SCIN: variants seen among roughly 807,000 people sequenced by gnomAD.
SCIN encodes adseverin.
A neutral mutation model predicts 91.8 loss-of-function variants in SCIN; 91 were observed. The observed-to-expected ratio is 0.99, with a 90% CI of 0.84 to 1.18. The LOEUF (loss-of-function observed/expected upper bound fraction) is 1.18, where lower values mean the gene tolerates loss of function less well. Ranked by LOEUF, SCIN falls within the 50% of genes most tolerant of loss-of-function variation. The pLI is 0.00. For missense variants in SCIN, 1,087 were observed against 863.9 expected (o/e 1.26, Z -3.24); for synonymous variants, 367 against 312.6 (o/e 1.17, Z -1.84).
chr7:12,655,682 A>G lies in SCIN; in HGVS notation c.*2967A>G, dbSNP rs901433693. 2 of 152,242 alleles carry G rather than the reference A, an allele frequency of 1.3e-5. No individual in the cohort carries two copies. The highest frequency in any genetic ancestry group is 6.5e-5 in the Admixed American group (1 of 15,280). 9.4% of individuals were successfully genotyped at this position (152,242 alleles called of 1,614,324 possible). ...TAAACTGGTCAAAACTTTTTGATCC[A>G]TAGCACAGTATTACTTTTGTAAACA... On this transcript the variant is annotated 3_prime_UTR_variant, in exon 16 of 16. Transcript: ENST00000297029.
chr7:12,644,875 G>A (rs1462239618), intron 13 of SCIN, among the ~76,000 whole-genome samples, 170 bp downstream of exon 13: 1 of 151,890 alleles, frequency 6.6e-6, no homozygotes. Flanking sequence ...TTAGCTGGAT[G>A]TGGTGGTGCA....
intron 11 of SCIN, 49 bp downstream of exon 11, chr7:12,640,566 T>G: frequency 6.7e-7 from 1 of 1,490,868 alleles, no homozygotes. Flanking sequence ...GACTTCCCAA[T>G]GGACCTGAGC....
chr7:12,650,037 G>A (rs1391256642), intron 14 of SCIN, among the ~76,000 whole-genome samples: 3 of 152,218 alleles, frequency 2.0e-5, no homozygotes, highest in African/African-American at 7.2e-5. Flanking sequence ...AAGGAAATTA[G>A]TGGTGATTTG....
chr7:12,635,136 C>T (rs1457086989), intron 9 of SCIN, among the ~76,000 whole-genome samples: 3 of 151,528 alleles, frequency 2.0e-5, no homozygotes, highest in Admixed American at 2.0e-4. Flanking sequence ...CGCCACTGCC[C>T]TCCAGCCTGG....
At chr7:12,589,147 C>G (rs1782660979) in intron 3 of SCIN, 1 of 151,488 alleles carries the variant, frequency 6.6e-6, no homozygotes, top group African/African-American at 2.4e-5. Context: ...AGGGCAGTAG[C>G]CAGGGTGCCC....
At chr7:12,620,987 A>G (rs1332439307) in intron 4 of SCIN, among the ~76,000 whole-genome samples, 2 of 152,156 alleles carry the variant, frequency 1.3e-5, no homozygotes, top group South Asian at 2.1e-4. Context: ...TTCACATACA[A>G]AGGATTACAT....
rs1783526922 is a variant in SCIN, at chr7:12,626,633, T to C, written c.1031T>C (p.Phe344Ser). 1 of 1,552,916 alleles carries C rather than the reference T, an allele frequency of 6.4e-7. No homozygotes were observed. The highest frequency in any genetic ancestry group is 8.7e-7 in the Non-Finnish European group (1 of 1,147,666). ...GAAACACCAATCTTCAAACAGTTTT[T>C]TAAGGACTGGAGAGATAAAGATCAG... is the stretch of plus-strand genomic sequence containing the variant. ...GGETPIFKQF[F>S]KDWRDKDQSD... The change falls in exon 8 of 16, where the codon TTT (phenylalanine) becomes TCT (serine). Residue 344 changes from phenylalanine to serine, a missense_variant. Coordinates refer to ENST00000297029, the MANE Select transcript of SCIN (RefSeq NM_001112706.3).
At chr7:12,593,138 G>T (rs993849184) in intron 3 of SCIN, among the ~76,000 whole-genome samples, 2 of 152,214 alleles carry the variant, frequency 1.3e-5, no homozygotes, top group Non-Finnish European at 2.9e-5. Flanking sequence ...GCACTCATGG[G>T]TGGGGACATG....
chr7:12,633,476 C>T (rs1282251232), intron 9 of SCIN, among the ~76,000 whole-genome samples: 1 of 152,104 alleles, frequency 6.6e-6, no homozygotes, highest in African/African-American at 2.4e-5. Context: ...ATACTTGAAT[C>T]TGTGTGGATG....
intron 3 of SCIN, among the ~76,000 whole-genome samples, chr7:12,581,698 A>C (rs1028277246): frequency 1.3e-5 from 2 of 152,226 alleles, no homozygotes; most frequent in African/African-American, 4.8e-5. Context: ...TTCAATTAGC[A>C]CAAGTACAAA....
intron 13 of SCIN, among the ~76,000 whole-genome samples, chr7:12,649,079 C>T (rs1401702274): frequency 6.6e-6 from 1 of 152,062 alleles, no homozygotes; most frequent in Non-Finnish European, 1.5e-5. Context: ...TGAGGGGGGT[C>T]TTATCTCTGG....
intron 4 of SCIN, among the ~76,000 whole-genome samples, chr7:12,610,138 A>G (rs1376343444): frequency 6.6e-6 from 1 of 152,322 alleles, no homozygotes; most frequent in Admixed American, 6.5e-5. Flanking sequence ...TTATGATGTT[A>G]GCATATAGTC....
chr7:12,618,138 C>G (rs1463646217), intron 4 of SCIN, among the ~76,000 whole-genome samples: 1 of 152,118 alleles, frequency 6.6e-6, no homozygotes, highest in Non-Finnish European at 1.5e-5. Context: ...CACTCTGTGT[C>G]TGGCATCCTC....
chr7:12,594,125 G>A (rs1782786507), intron 3 of SCIN, among the ~76,000 whole-genome samples: 1 of 152,100 alleles, frequency 6.6e-6, no homozygotes, highest in Non-Finnish European at 1.5e-5. Context: ...TTGGGCCCGA[G>A]AGCGGGTGAG....
chr7:12,598,499 TAC>T (rs1338352692), intron 3 of SCIN, among the ~76,000 whole-genome samples: 1 of 152,214 alleles, frequency 6.6e-6, no homozygotes. Flanking sequence ...TGGTGGAATA[TAC>T]ATTTTCAAAT....
chr7:12,582,740 T>C (rs1196267002), intron 3 of SCIN, among the ~76,000 whole-genome samples: 1 of 151,690 alleles, frequency 6.6e-6, no homozygotes, highest in African/African-American at 2.4e-5. Flanking sequence ...CCTTCCATTC[T>C]CCCCTACCGC....
intron 4 of SCIN, among the ~76,000 whole-genome samples, chr7:12,616,342 G>A (rs1783299227): frequency 6.6e-6 from 1 of 152,082 alleles, no homozygotes; most frequent in African/African-American, 2.4e-5. Context: ...TATTTCTTGA[G>A]AGTGGGTTTA....
rs373764378 is a variant in SCIN at position 12,648,863 on chromosome 7, C to T, written c.1882-604C>T. 5.9e-5 allele frequency among the ~76,000 whole-genome samples: 9 copies of T among 152,178 alleles called. No homozygotes were observed. The South Asian group carries it at 1.7e-3, about 28-fold the overall frequency. On this transcript the variant is annotated intron_variant, in intron 13 of 15. Transcript: ENST00000297029. The stretch of plus-strand genomic sequence containing the variant: ...GGCTTGAGGATAGCCACCCAGAAAA[C>T]GCTGACTCCAAATGAATGGGGTCAG...
At chr7:12,582,206 T>A (rs1782502103) in intron 3 of SCIN, among the ~76,000 whole-genome samples, 1 of 152,196 alleles carries the variant, frequency 6.6e-6, no homozygotes, top group Non-Finnish European at 1.5e-5. Context: ...GCATATCTGA[T>A]TCCCCACGAA....
Sources: allele counts gnomAD v4.1 joint callset (sites outside exome capture counted in the v4.1 genomes callset), GRCh38; gene constraint gnomAD v4.1.1; transcripts MANE v1.5; gene names NCBI Gene and HGNC (gene_info 2026-07-23, HGNC 2026-07-21).